The following IFRD1 variants were observed in gnomAD, a reference collection of about 807,000 sequenced individuals.
IFRD1 encodes the protein interferon-related developmental regulator 1.
In IFRD1, 35 loss-of-function variants were observed where a neutral mutation model predicts 52.9. That is an observed-to-expected ratio of 0.66 (90% CI 0.51 to 0.88). IFRD1 has a LOEUF of 0.88. Among genes scored for constraint, IFRD1 ranks in the 40% least tolerant of loss-of-function variants. The probability of loss-of-function intolerance (pLI) is 0.00; values close to 1 mark genes in which losing one functional copy is unlikely to be tolerated. For missense variants in IFRD1, 517 were observed against 550.8 expected, an observed-to-expected ratio of 0.94 and a Z score of 0.61; for synonymous variants, 184 against 188.4, an observed-to-expected ratio of 0.98 and a Z score of 0.19.
intron 11 of IFRD1, among the ~76,000 whole-genome samples, chr7:112,475,134 A>T (rs555280622): frequency 1.3e-5 from 2 of 151,590 alleles, no homozygotes; most frequent in East Asian, 3.9e-4. Flanking sequence ...AATTTTTTGT[A>T]TTTTTAGTAG....
At chr7:112,438,705 A>C (rs998367746) in intron 1 of IFRD1, among the ~76,000 whole-genome samples, 1 of 152,224 alleles carries the variant, frequency 6.6e-6, no homozygotes, top group Non-Finnish European at 1.5e-5. Flanking sequence ...AAATCAAGCC[A>C]ACAAATAAAC....
intron 1 of IFRD1, among the ~76,000 whole-genome samples, chr7:112,445,242 A>ATT (rs748843801): frequency 6.6e-6 from 1 of 151,534 alleles, no homozygotes; most frequent in African/African-American, 2.4e-5. Flanking sequence ...AATTTTTTAT[A>ATT]TTTTTAGTAG....
upstream of IFRD1, chr7:112,450,425 A>C: frequency 1.9e-6 from 1 of 513,238 alleles, no homozygotes; most frequent in Non-Finnish European, 3.6e-6. Context: ...AGGTGGCGGT[A>C]TTGCTACTTA....
intron 11 of IFRD1, among the ~76,000 whole-genome samples, chr7:112,473,917 C>T (rs763157878): frequency 2.0e-5 from 3 of 152,202 alleles, no homozygotes; most frequent in Non-Finnish European, 2.9e-5. Context: ...GTGCTACCCC[C>T]CGCCACTGGC....
Position 112,424,866 on chromosome 7 carries a change from T to C in IFRD1, c.-182+1434T>C, listed in dbSNP as rs77373378. On this transcript the variant is annotated intron_variant, in intron 1 of 12. Coordinates refer to the IFRD1 transcript ENST00000005558. ...TTTATTCCATTGTGGTCAGAAAATATATGAGATATGACTTCCACCTTTTTG... is the reference window on the plus strand; with the variant it reads ...TTTATTCCATTGTGGTCAGAAAATACATGAGATATGACTTCCACCTTTTTG... Among the ~76,000 whole-genome samples the C allele has an allele frequency of 1.8e-3, 275 of 152,350 alleles. 3 individuals carry two copies. In the East Asian group the frequency reaches 0.044, roughly 24 times the overall value.
rs557239586 is a variant in IFRD1 at position 112,455,735 on chromosome 7, T to C, written c.95-28T>C. 6.2e-6 allele frequency: 9 copies of C among 1,454,250 alleles called. No individual in the cohort carries two copies. The African/African-American group carries it at 1.1e-4, about 18-fold the overall frequency. The allele number at this position is 1,454,250 out of a possible 1,614,324, so 90.1% of individuals were successfully genotyped here. On this transcript the variant is annotated intron_variant, in intron 1 of 11. Transcript: ENST00000403825. The stretch of plus-strand genomic sequence containing the variant: ...ATTTAGGTATATGGCAATAAAATAA[T>C]TTACCTCTTTCCTCTTTTACCTAAT...
chr7:112,466,943 T>G (rs1237502519), intron 8 of IFRD1, among the ~76,000 whole-genome samples: 1 of 152,174 alleles, frequency 6.6e-6, no homozygotes, highest in Non-Finnish European at 1.5e-5. Flanking sequence ...TGTCTCTAAC[T>G]TAGATATAGG....
chr7:112,473,496 C>T (rs1404486794), intron 11 of IFRD1, among the ~76,000 whole-genome samples: 1 of 151,676 alleles, frequency 6.6e-6, no homozygotes, highest in African/African-American at 2.4e-5. Flanking sequence ...GCAATCTCGG[C>T]TCACTGCAAC....
At position 112,463,833 on chromosome 7, in the gene IFRD1, C is replaced by CATAT. The variant is rs142399787; in HGVS notation, c.906+1461_906+1464dup. On this transcript the variant is annotated intron_variant, in intron 8 of 11. Transcript: ENST00000403825. ...ACATACATACATGTATATACATATA[C>CATAT]ATATATATACACATTTATATACACA... is the stretch of plus-strand genomic sequence containing the variant. Among the ~76,000 whole-genome samples the CATAT allele has an allele frequency of 5.2e-3, 756 of 146,604 alleles. 6 individuals are homozygous for CATAT. Among genetic ancestry groups the CATAT allele is most frequent in the African/African-American group, 0.013 (524 of 39,842 alleles).
At chr7:112,454,105 T>G (rs1475127340) in intron 1 of IFRD1, among the ~76,000 whole-genome samples, 6 of 152,204 alleles carry the variant, frequency 3.9e-5, no homozygotes, top group Non-Finnish European at 7.4e-5. Context: ...AATCCCTAAG[T>G]GACTGTATAT....
At chr7:112,459,078 G>A (rs1053832079) in intron 5 of IFRD1, 60 bp downstream of exon 5, 37 of 1,393,018 alleles carry the variant, frequency 2.7e-5, no homozygotes, top group Middle Eastern at 2.2e-4. Context: ...GACGTGGTGC[G>A]CCTATAGTAC....
chr7:112,464,287 G>C (rs973882378), intron 8 of IFRD1, among the ~76,000 whole-genome samples: 1 of 151,920 alleles, frequency 6.6e-6, no homozygotes. Flanking sequence ...CTTTTGAAGA[G>C]CTAACTTTTA....
intron 1 of IFRD1, among the ~76,000 whole-genome samples, chr7:112,425,465 C>A (rs1030301208): frequency 6.6e-6 from 1 of 152,190 alleles, no homozygotes; most frequent in African/African-American, 2.4e-5. Flanking sequence ...GAGCAGGACA[C>A]CTTTTCTCCT....
chr7:112,463,855 C>T (rs2529591), intron 8 of IFRD1, among the ~76,000 whole-genome samples: 108,318 of 136,932 alleles, frequency 0.79, 40,428 homozygotes, highest in Middle Eastern at 0.91. Context: ...CATTTATATA[C>T]ACACACACAC....
intron 8 of IFRD1, among the ~76,000 whole-genome samples, chr7:112,462,994 T>C (rs1368691925): frequency 1.3e-5 from 2 of 152,228 alleles, no homozygotes; most frequent in African/African-American, 2.4e-5. Flanking sequence ...TACCATCTTA[T>C]GTTCCAGGAA....
chr7:112,468,660 G>A (rs1261642328), intron 9 of IFRD1, among the ~76,000 whole-genome samples: 1 of 152,032 alleles, frequency 6.6e-6, no homozygotes, highest in Non-Finnish European at 1.5e-5. Flanking sequence ...CACCATATCC[G>A]GCTAATTTTT....
chr7:112,437,008 GT>G (rs1794715946), intron 1 of IFRD1, among the ~76,000 whole-genome samples: 3 of 151,964 alleles, frequency 2.0e-5, no homozygotes, highest in African/African-American at 7.3e-5. Context: ...TTGTTTGTTT[GT>G]TTTTTTGAGA....
intron 1 of IFRD1, among the ~76,000 whole-genome samples, chr7:112,426,942 C>T (rs1794441462): frequency 6.6e-6 from 1 of 152,232 alleles, no homozygotes; most frequent in Admixed American, 6.5e-5. Flanking sequence ...CTGGACCTAA[C>T]CAAGGTACAT....
At chr7:112,453,469 T>C (rs1185825470) in intron 1 of IFRD1, among the ~76,000 whole-genome samples, 1 of 152,144 alleles carries the variant, frequency 6.6e-6, no homozygotes, top group African/African-American at 2.4e-5. Context: ...TTTTTTTCTT[T>C]CCCTCGAATC....
Sources: gnomAD v4.1 joint callset for allele counts (sites outside exome capture counted in the v4.1 genomes callset) on GRCh38, gnomAD v4.1.1 for gene constraint, MANE v1.5 for transcripts, NCBI Gene and HGNC (gene_info 2026-07-23, HGNC 2026-07-21) for gene names.